ADK: variants seen among roughly 807,000 people sequenced by gnomAD.
ADK encodes N6,N6-dimethyladenosine kinase.
Under a neutral mutation model 44.7 loss-of-function variants are expected in ADK, and 24 were observed. The ratio of observed to expected loss-of-function variants is 0.54; its 90% CI spans 0.39 to 0.76. The LOEUF (loss-of-function observed/expected upper bound fraction) is 0.76, where lower values mean the gene tolerates loss of function less well. Among genes scored for constraint, ADK ranks in the 30% least tolerant of loss-of-function variants. The probability of loss-of-function intolerance (pLI) is 0.00; values close to 1 mark genes in which losing one functional copy is unlikely to be tolerated. For missense variants in ADK, 321 were observed against 425.1 expected (o/e 0.76, Z 2.15); for synonymous variants, 128 against 142.6 (o/e 0.90, Z 0.73).
chr10:74,404,270 C>T (rs1843828522), intron 6 of ADK, among the ~76,000 whole-genome samples: 1 of 151,548 alleles, frequency 6.6e-6, no homozygotes, highest in Non-Finnish European at 1.5e-5. Flanking sequence ...AACATCGTAA[C>T]CTTGCTGCTA....
chr10:74,584,896 A>T (rs1334443785), intron 7 of ADK, among the ~76,000 whole-genome samples: 2 of 152,228 alleles, frequency 1.3e-5, no homozygotes, highest in Admixed American at 1.3e-4. Context: ...AATTGCAGTG[A>T]GTATGGGCAA....
chr10:74,259,410 A>C (rs918794088), intron 3 of ADK, among the ~76,000 whole-genome samples: 1 of 148,876 alleles, frequency 6.7e-6, no homozygotes, highest in Non-Finnish European at 1.5e-5. Flanking sequence ...TTGCCTTAGA[A>C]TTCTTGGGGA....
chr10:74,427,392 G>A (rs1427121772), intron 6 of ADK, among the ~76,000 whole-genome samples: 1 of 152,098 alleles, frequency 6.6e-6, no homozygotes, highest in Admixed American at 6.6e-5. Context: ...TAGAGACGGG[G>A]TTTCACCGTG....
chr10:74,487,598 TA>T (rs1353237183), intron 6 of ADK, among the ~76,000 whole-genome samples: 1 of 151,946 alleles, frequency 6.6e-6, no homozygotes, highest in East Asian at 1.9e-4. Context: ...TGAAATTGTG[TA>T]ACCTGTAGAA....
intron 7 of ADK, among the ~76,000 whole-genome samples, chr10:74,543,270 C>T (rs1849712437): frequency 6.6e-6 from 1 of 151,814 alleles, no homozygotes; most frequent in African/African-American, 2.4e-5. Context: ...TCTTGAACTC[C>T]TGGGCTCAAG....
chr10:74,242,343 C>T (rs1253182467), intron 3 of ADK, among the ~76,000 whole-genome samples: 2 of 152,170 alleles, frequency 1.3e-5, no homozygotes, highest in Non-Finnish European at 2.9e-5. Flanking sequence ...GTGTAATTTC[C>T]ATAAGGGAAT....
At chr10:74,499,837 T>G (rs1249281457) in intron 6 of ADK, among the ~76,000 whole-genome samples, 1 of 152,226 alleles carries the variant, frequency 6.6e-6, no homozygotes, top group Non-Finnish European at 1.5e-5. Flanking sequence ...TTCTCCCCAA[T>G]CTTATACTGT....
intron 3 of ADK, among the ~76,000 whole-genome samples, chr10:74,263,121 C>T (rs1258701353): frequency 6.6e-6 from 1 of 152,182 alleles, no homozygotes; most frequent in Non-Finnish European, 1.5e-5. Context: ...AGTTTTCTCC[C>T]TGCCTCGTCT....
intron 3 of ADK, among the ~76,000 whole-genome samples, chr10:74,263,167 C>T (rs1846101716): frequency 6.6e-6 from 1 of 152,132 alleles, no homozygotes; most frequent in African/African-American, 2.4e-5. Context: ...ATATACTGCA[C>T]AGGGGAATTG....
chr10:74,665,785 GAC>G (rs1222384443), intron 9 of ADK, among the ~76,000 whole-genome samples: 24 of 148,884 alleles, frequency 1.6e-4, no homozygotes, highest in African/African-American at 5.7e-4. Context: ...GAGAGAGACA[GAC>G]AGACAGAAGG....
At chr10:74,381,845 A>C (rs757415799) in intron 4 of ADK, among the ~76,000 whole-genome samples, 2 of 152,160 alleles carry the variant, frequency 1.3e-5, no homozygotes, top group Non-Finnish European at 2.9e-5. Context: ...CCTTTGCCTT[A>C]CGTTTTTGAT....
intron 4 of ADK, among the ~76,000 whole-genome samples, chr10:74,318,909 A>G (rs901855985): frequency 1.2e-4 from 19 of 152,202 alleles, no homozygotes; most frequent in African/African-American, 4.3e-4. Context: ...TTGAGAGGAT[A>G]TTTAGCTTAA....
At chr10:74,342,106 T>C (rs551099424) in intron 4 of ADK, among the ~76,000 whole-genome samples, 14 of 152,278 alleles carry the variant, frequency 9.2e-5, no homozygotes, top group South Asian at 8.3e-4. Flanking sequence ...CACTCAATTA[T>C]CCCTCCTTGG....
intron 6 of ADK, among the ~76,000 whole-genome samples, chr10:74,442,892 T>C (rs1845473852): frequency 6.6e-6 from 1 of 152,192 alleles, no homozygotes; most frequent in Admixed American, 6.5e-5. Flanking sequence ...GACATTATGC[T>C]AAGTGAAATA....
chr10:74,663,845 G>T (rs1265605586), intron 9 of ADK, among the ~76,000 whole-genome samples: 1 of 151,834 alleles, frequency 6.6e-6, no homozygotes, highest in African/African-American at 2.4e-5. Context: ...CTTTTTTATT[G>T]CCCTGTTTAT....
chr10:74,317,648 A>G (rs1455597554), intron 4 of ADK, among the ~76,000 whole-genome samples: 3 of 152,150 alleles, frequency 2.0e-5, no homozygotes, highest in Non-Finnish European at 4.4e-5. Context: ...CTGGACATAG[A>G]TGCCCTGCAG....
intron 6 of ADK, among the ~76,000 whole-genome samples, chr10:74,478,316 A>T (rs1489532550): frequency 6.6e-6 from 1 of 152,088 alleles, no homozygotes; most frequent in Non-Finnish European, 1.5e-5. Context: ...ACCTCCTAGG[A>T]TTAAATGATC....
chr10:74,172,543 G>T (rs1433553449), intron 1 of ADK, among the ~76,000 whole-genome samples: 3 of 152,004 alleles, frequency 2.0e-5, no homozygotes, highest in Admixed American at 2.0e-4. Context: ...TACAAAATCA[G>T]CCGGGTATGG....
At chr10:74,255,737 T>C (rs76769252) in intron 3 of ADK, among the ~76,000 whole-genome samples, 2,855 of 152,322 alleles carry the variant, frequency 0.019, 97 homozygotes, top group African/African-American at 0.065. Flanking sequence ...ATTTAGATAC[T>C]AAAAGGAATT....
Sources: allele counts gnomAD v4.1 joint callset (sites outside exome capture counted in the v4.1 genomes callset), GRCh38; gene constraint gnomAD v4.1.1; transcripts MANE v1.5; gene names NCBI Gene and HGNC (gene_info 2026-07-23, HGNC 2026-07-21).